The following CACNA2D1 variants were observed in gnomAD, a reference collection of about 807,000 sequenced individuals.
CACNA2D1 encodes voltage-dependent calcium channel subunit alpha-2/delta-1.
CACNA2D1 carries 53 observed loss-of-function variants against 171.5 expected under a neutral mutation model. The observed-to-expected ratio is 0.31, with a 90% CI of 0.25 to 0.39. The LOEUF is 0.39. Ranked by LOEUF, CACNA2D1 falls within the 10% of genes least tolerant of loss-of-function variation. The pLI is 1.00. For synonymous variants in CACNA2D1, 442 were observed against 443.1 expected, an observed-to-expected ratio of 1.00 and a Z score of 0.03; for missense variants, 903 against 1,299.8, an observed-to-expected ratio of 0.69 and a Z score of 4.69.
intron 3 of CACNA2D1, among the ~76,000 whole-genome samples, chr7:82,278,188 T>G (rs1204946457): frequency 6.6e-6 from 1 of 152,234 alleles, no homozygotes; most frequent in East Asian, 1.9e-4. Context: ...ATCTATCAAC[T>G]TCTTATGTTA....
intron 21 of CACNA2D1, among the ~76,000 whole-genome samples, chr7:81,986,158 T>C (rs1002021194): frequency 6.6e-6 from 1 of 152,170 alleles, no homozygotes; most frequent in African/African-American, 2.4e-5. Context: ...ATGCTTTGAA[T>C]ATAGAAGAAA....
intron 22 of CACNA2D1, 93 bp downstream of exon 22, chr7:81,984,542 A>G (rs763845266): frequency 1.2e-5 from 9 of 749,082 alleles, no homozygotes; most frequent in Non-Finnish European, 2.2e-5. Flanking sequence ...AAAATATTTC[A>G]TAAGCCTTGG....
intron 6 of CACNA2D1, among the ~76,000 whole-genome samples, chr7:82,105,404 T>C (rs940244959): frequency 1.4e-5 from 2 of 147,284 alleles, no homozygotes; most frequent in African/African-American, 5.0e-5. Context: ...TTGTCTTTTT[T>C]TTTTTTTTTT....
rs1035951302 is a variant in CACNA2D1 at position 82,038,200 on chromosome 7, C to G, written c.915G>C (p.Gln305His). ...NSNAQDVSCF[Q>H]HLVQANVRNK... ...TTCTTACATTTGCTTGGACAAGGTG[C>G]TGAAAACAGCTTACATCCTGAGCAT... Residue 305 changes from glutamine (Q) to histidine (H), a missense_variant, in exon 11 of 39, where the codon CAG becomes CAC. By Grantham distance (24) the Gln-to-His change is conservative. Transcript: ENST00000356860. The G allele has an allele frequency of 2.5e-6, 4 of 1,613,508 alleles. No individual in the cohort carries two copies. The African/African-American group carries it at 5.3e-5, about 22-fold the overall frequency.
At chr7:82,398,889 C>CT (rs145327977) in intron 1 of CACNA2D1, among the ~76,000 whole-genome samples, 6 of 150,994 alleles carry the variant, frequency 4.0e-5, no homozygotes, top group African/African-American at 4.9e-5. Context: ...CCATTCTCCC[C>CT]TTTTTTTTTC....
chr7:82,166,015 C>G (rs1204009002), intron 4 of CACNA2D1, among the ~76,000 whole-genome samples: 4 of 151,986 alleles, frequency 2.6e-5, no homozygotes, highest in Non-Finnish European at 4.4e-5. Context: ...CTAAGTAAAA[C>G]AAATACAGTG....
intron 4 of CACNA2D1, among the ~76,000 whole-genome samples, chr7:82,138,107 T>C (rs963062211): frequency 3.3e-5 from 5 of 152,308 alleles, no homozygotes; most frequent in Middle Eastern, 6.8e-3. Context: ...AATGTATAAC[T>C]GTACATTATA....
chr7:82,104,478 A>C (rs258680), intron 6 of CACNA2D1, among the ~76,000 whole-genome samples: 8 of 151,822 alleles, frequency 5.3e-5, no homozygotes, highest in Admixed American at 5.2e-4. Context: ...TTATATTCTT[A>C]TGAAAGACAA....
chr7:82,024,383 A>C (rs1007688836), intron 12 of CACNA2D1, among the ~76,000 whole-genome samples: 1 of 151,554 alleles, frequency 6.6e-6, no homozygotes, highest in South Asian at 2.1e-4. Flanking sequence ...GTTTTGATTT[A>C]TATTTCCCTG....
chr7:82,099,660 G>A (rs935352223), intron 6 of CACNA2D1, among the ~76,000 whole-genome samples: 3 of 62,218 alleles, frequency 4.8e-5, no homozygotes, highest in South Asian at 1.0e-3. Context: ...CGTGTTAGCC[G>A]GGATGGTCTC....
chr7:82,443,512 G>T lies in CACNA2D1; in HGVS notation c.-53C>A. On this transcript the variant is annotated 5_prime_UTR_variant, in exon 1 of 39. Transcript: ENST00000356860. ...CCCTGCCCAAGCGGGGGAAGGAGCG[G>T]CGCTGGAAACCGCGGGCGGAGGAAG... 6.3e-7 allele frequency: 1 copy of T among 1,587,742 alleles called. No homozygotes were observed. The highest frequency in any genetic ancestry group is 8.6e-7 in the Non-Finnish European group (1 of 1,167,618).
At chr7:82,396,427 T>C (rs1298308235) in intron 1 of CACNA2D1, among the ~76,000 whole-genome samples, 1 of 152,228 alleles carries the variant, frequency 6.6e-6, no homozygotes, top group African/African-American at 2.4e-5. Context: ...TATAGTTCCA[T>C]AATCTGGCTC....
In CACNA2D1 at chr7:82,005,798, C is replaced by T. The variant is rs141344702; in HGVS notation, c.1482G>A (p.Leu494=). ...GTGGTGTCAGTCTTTTAATATCTTCCAAAGACACATCTACTCCCATCACAC... is the reference window on the plus strand; with the variant it reads ...GTGGTGTCAGTCTTTTAATATCTTCTAAAGACACATCTACTCCCATCACAC... ...ILGVMGVDVS[L]EDIKRLTPRF... is the part of the protein sequence containing the mutation. The change falls in exon 17 of 39, where the codon TTG becomes TTA. Residue 494 remains leucine (L), a synonymous_variant. Transcript: ENST00000356860. 74 of 1,608,974 alleles carry T rather than the reference C, an allele frequency of 4.6e-5. No individual in the cohort carries two copies. The African/African-American group carries it at 8.8e-4, about 19-fold the overall frequency.
At chr7:82,130,233 T>C (rs1790790349) in intron 5 of CACNA2D1, among the ~76,000 whole-genome samples, 1 of 138,896 alleles carries the variant, frequency 7.2e-6, no homozygotes, top group Admixed American at 7.3e-5. Flanking sequence ...TCTGGGAACT[T>C]ATACTCTTGA....
At chr7:82,305,539 T>G (rs573690920) in intron 3 of CACNA2D1, among the ~76,000 whole-genome samples, 37 of 152,260 alleles carry the variant, frequency 2.4e-4, no homozygotes, top group African/African-American at 8.4e-4. Flanking sequence ...AGCTGCTACC[T>G]GTGAGGTTTC....
chr7:82,381,200 G>T (rs1403869191), intron 1 of CACNA2D1, among the ~76,000 whole-genome samples: 1 of 151,674 alleles, frequency 6.6e-6, no homozygotes, highest in East Asian at 2.0e-4. Flanking sequence ...TGTAGTCCCA[G>T]CTACCCGGGA....
At chr7:81,984,517 G>T (rs1796760992) in intron 22 of CACNA2D1, 118 bp downstream of exon 22, 1 of 701,502 alleles carries the variant, frequency 1.4e-6, no homozygotes. Context: ...TGTAGATTTG[G>T]TAATAACACC....
chr7:82,073,161 T>C (rs1019892554), intron 7 of CACNA2D1, among the ~76,000 whole-genome samples: 2 of 152,104 alleles, frequency 1.3e-5, no homozygotes. Context: ...AATACTGACA[T>C]AGATGAGAGG....
rs528606923 is a variant in CACNA2D1, at chr7:82,247,923, C to T, written c.295-77314G>A. ...CAAAAACTTTAATATCTGATTAGAA[C>T]AAGCCAAGTTATCCCTATTTTAGGG... On this transcript the variant is annotated intron_variant, in intron 3 of 38. Transcript: ENST00000356860. Among the ~76,000 whole-genome samples, 44 of 152,270 alleles carry T rather than the reference C, an allele frequency of 2.9e-4. No homozygotes were observed. The South Asian group carries it at 2.9e-3, about 10-fold the overall frequency.
Sources: gnomAD v4.1 joint callset for allele counts (sites outside exome capture counted in the v4.1 genomes callset) on GRCh38, gnomAD v4.1.1 for gene constraint, MANE v1.5 for transcripts, NCBI Gene and HGNC (gene_info 2026-07-23, HGNC 2026-07-21) for gene names.